The following CFAP47 variants were observed in gnomAD, a reference collection of about 807,000 sequenced individuals.
CFAP47 encodes the protein cilia- and flagella-associated protein 47.
Under a neutral mutation model 148.1 loss-of-function variants are expected in CFAP47, and 29 were observed. That is an observed-to-expected ratio of 0.20 (90% CI 0.15 to 0.27). CFAP47 has a LOEUF of 0.27. Among genes scored for constraint, CFAP47 ranks in the 10% least tolerant of loss-of-function variants. The pLI is 1.00. For synonymous variants in CFAP47, 664 were observed against 577.3 expected, an observed-to-expected ratio of 1.15 and a Z score of -2.15; for missense variants, 1,872 against 1,697.5, an observed-to-expected ratio of 1.10 and a Z score of -1.81.
intron 27 of CFAP47, among the ~76,000 whole-genome samples, chrX:36,069,423 A>AAAAT (rs200952221): frequency 0.024 from 2,723 of 111,410 alleles, 86 homozygotes; most frequent in African/African-American, 0.084. Flanking sequence ...TTATCTCTTT[A>AAAAT]AAATAAATAA....
intron 26 of CFAP47, among the ~76,000 whole-genome samples, chrX:36,062,853 A>C (rs1314062439): frequency 8.9e-6 from 1 of 112,060 alleles, no homozygotes; most frequent in Non-Finnish European, 1.9e-5. Flanking sequence ...CATCTTTAAA[A>C]GATGAATTTT....
At chrX:36,146,910 T>A (rs1266803798) in intron 36 of CFAP47, among the ~76,000 whole-genome samples, 1 of 109,631 alleles carries the variant, frequency 9.1e-6, no homozygotes, top group Non-Finnish European at 1.9e-5. Context: ...GCCTCCTGAA[T>A]AGCTGGGAGT....
intron 61 of CFAP47, among the ~76,000 whole-genome samples, chrX:36,361,875 T>A (rs1941831686): frequency 8.9e-6 from 1 of 112,427 alleles, no homozygotes; most frequent in South Asian, 3.7e-4. Context: ...TGCAAATGCC[T>A]AAGCTATATT....
intron 21 of CFAP47, among the ~76,000 whole-genome samples, chrX:36,003,577 T>A (rs956860651): frequency 9.1e-6 from 1 of 110,388 alleles, no homozygotes; most frequent in Non-Finnish European, 1.9e-5. Context: ...CTCAGCATTT[T>A]TTTTTAAAAA....
At chrX:36,049,549 C>T (rs1310558102) in intron 26 of CFAP47, among the ~76,000 whole-genome samples, 1 of 109,215 alleles carries the variant, frequency 9.2e-6, no homozygotes, top group Non-Finnish European at 1.9e-5. Context: ...CTGTGTTCCA[C>T]ATATAGTAAT....
chrX:36,275,323 C>T (rs931822062), intron 49 of CFAP47, among the ~76,000 whole-genome samples: 2 of 110,054 alleles, frequency 1.8e-5, no homozygotes, highest in Non-Finnish European at 3.8e-5. Flanking sequence ...ATCCACCCAC[C>T]TCAGCCTCCC....
chrX:36,228,161 C>CAAT (rs782342253), intron 45 of CFAP47, among the ~76,000 whole-genome samples: 1 of 111,600 alleles, frequency 9.0e-6, no homozygotes, highest in Non-Finnish European at 1.9e-5. Flanking sequence ...GACAGTAAAG[C>CAAT]CCATCTAATA....
intron 51 of CFAP47, 86 bp from the exon 52 acceptor site, chrX:36,298,891 A>C: frequency 1.8e-6 from 1 of 555,567 alleles, no homozygotes; most frequent in Non-Finnish European, 2.9e-6. Flanking sequence ...TATATTATGT[A>C]ATAATTTCCT....
chrX:36,376,254 A>G (rs1182317125), intron 62 of CFAP47, among the ~76,000 whole-genome samples: 1 of 112,046 alleles, frequency 8.9e-6, no homozygotes, highest in Non-Finnish European at 1.9e-5. Flanking sequence ...AGAGAGATGT[A>G]TTGGTTTATT....
chrX:36,320,656 CA>C (rs1401110544), intron 57 of CFAP47, among the ~76,000 whole-genome samples: 28 of 111,631 alleles, frequency 2.5e-4, no homozygotes, highest in African/African-American at 8.8e-4. Context: ...TACAAATGGG[CA>C]AAAAATGGTT....
At chrX:36,085,798 G>A (rs1938076870) in intron 30 of CFAP47, among the ~76,000 whole-genome samples, 1 of 109,183 alleles carries the variant, frequency 9.2e-6, no homozygotes, top group Admixed American at 1.0e-4. Context: ...GATTTTTAAG[G>A]CAATCATTCT....
At chrX:36,252,036 C>T (rs1458127882) in intron 49 of CFAP47, among the ~76,000 whole-genome samples, 1 of 110,729 alleles carries the variant, frequency 9.0e-6, no homozygotes, top group Non-Finnish European at 1.9e-5. Context: ...ATAGCTAGTA[C>T]TGAGTGATTA....
At chrX:36,318,771 C>T (rs782520650) in intron 56 of CFAP47, among the ~76,000 whole-genome samples, 2 of 110,448 alleles carry the variant, frequency 1.8e-5, no homozygotes, top group Middle Eastern at 4.3e-3. Context: ...CTCAAATAGA[C>T]TCTTAATATC....
At chrX:36,081,101 T>C (rs1253908817) in intron 29 of CFAP47, among the ~76,000 whole-genome samples, 7 of 110,890 alleles carry the variant, frequency 6.3e-5, no homozygotes, top group African/African-American at 2.3e-4. Flanking sequence ...GACTACTAGC[T>C]AGACTAAGAA....
intron 45 of CFAP47, among the ~76,000 whole-genome samples, chrX:36,205,678 T>G (rs781895417): frequency 8.9e-6 from 1 of 111,941 alleles, no homozygotes; most frequent in Non-Finnish European, 1.9e-5. Flanking sequence ...AATATTGATA[T>G]ACTAGCATTA....
At chrX:36,135,703 A>G (rs1362071917) in intron 33 of CFAP47, among the ~76,000 whole-genome samples, 1 of 112,011 alleles carries the variant, frequency 8.9e-6, no homozygotes, top group Admixed American at 9.5e-5. Context: ...TTTGGGGGTG[A>G]TCACACTTTT....
intron 49 of CFAP47, among the ~76,000 whole-genome samples, chrX:36,273,582 C>A (rs976998026): frequency 9.0e-6 from 1 of 111,445 alleles, no homozygotes; most frequent in Admixed American, 9.6e-5. Context: ...CAAGCACCAG[C>A]AAACCAAGTT....
intron 57 of CFAP47, among the ~76,000 whole-genome samples, chrX:36,334,453 A>C (rs1026127024): frequency 9.0e-6 from 1 of 111,521 alleles, no homozygotes; most frequent in Admixed American, 9.6e-5. Flanking sequence ...TCTAATTTTT[A>C]TATAAAGTTA....
intron 49 of CFAP47, among the ~76,000 whole-genome samples, chrX:36,267,770 G>A (rs782682423): frequency 8.9e-5 from 10 of 111,903 alleles, no homozygotes; most frequent in Middle Eastern, 4.7e-3. Context: ...GAGCCACCGC[G>A]CCCAGCAAAG....
Sources: gnomAD v4.1 joint callset for allele counts (sites outside exome capture counted in the v4.1 genomes callset) on GRCh38, gnomAD v4.1.1 for gene constraint, MANE v1.5 for transcripts, NCBI Gene and HGNC (gene_info 2026-07-23, HGNC 2026-07-21) for gene names.